The following CRB1 variants were observed in gnomAD, a reference collection of about 807,000 sequenced individuals.
CRB1 encodes the protein crumbs cell polarity complex component 1.
CRB1 carries 83 observed loss-of-function variants against 120.0 expected under a neutral mutation model. That is an observed-to-expected ratio of 0.69 (90% CI 0.58 to 0.83). CRB1 has a LOEUF of 0.83. CRB1 is among the 40% of genes least tolerant of loss of function. The pLI, the probability that CRB1 is intolerant of heterozygous loss-of-function variation, is 0.00. For missense variants in CRB1, 1,699 were observed against 1,687.6 expected (o/e 1.01, Z -0.12); for synonymous variants, 625 against 612.5 (o/e 1.02, Z -0.30).
the CRB1 span, among the ~76,000 whole-genome samples, chr1:197,203,650 AC>A: frequency 1.3e-5 from 2 of 152,198 alleles, no homozygotes; most frequent in African/African-American, 4.8e-5. Flanking sequence ...TAGAGGCCTT[AC>A]CTAGGAGAAA....
chr1:197,395,872 A>G (rs1662744758), intron 5 of CRB1, among the ~76,000 whole-genome samples: 1 of 152,158 alleles, frequency 6.6e-6, no homozygotes, highest in African/African-American at 2.4e-5. Context: ...CATCTACAAA[A>G]AAACCTAGAG....
intron 1 of CRB1, among the ~76,000 whole-genome samples, chr1:197,274,847 T>C (rs773970550): frequency 3.9e-5 from 6 of 152,016 alleles, no homozygotes; most frequent in Non-Finnish European, 8.8e-5. Flanking sequence ...AAGGACAACT[T>C]TGTTACTTTC....
At chr1:197,254,297 C>A in the CRB1 span, among the ~76,000 whole-genome samples, 1,077 of 152,056 alleles carry the variant, frequency 7.1e-3, 16 homozygotes, top group African/African-American at 0.022. Flanking sequence ...ATTCCTTGTC[C>A]TGAGTGATAC....
intron 1 of CRB1, among the ~76,000 whole-genome samples, chr1:197,316,942 C>T (rs1023241618): frequency 6.7e-6 from 1 of 150,178 alleles, no homozygotes; most frequent in Non-Finnish European, 1.5e-5. Flanking sequence ...ACCCAGAATG[C>T]CTAGTAATAA....
chr1:197,344,422 A>G lies in CRB1; in HGVS notation c.794A>G (p.Glu265Gly). Residue 265 changes from glutamate to glycine, a missense_variant, in exon 3 of 12, where the codon GAG becomes GGG. By Grantham distance (98) the Glu-to-Gly change is moderately conservative. Transcript: ENST00000367400. ...GATCACTGTGAACTCAACACTGATG[A>G]GTGTGCCAGTCAACCTTGTCTCCAT... ...LGDHCELNTD[E>G]CASQPCLHGG... is the part of the protein sequence containing the mutation. 1 of 1,614,016 alleles carries G rather than the reference A, an allele frequency of 6.2e-7. No individual in the cohort carries two copies. Among genetic ancestry groups the G allele is most frequent in the East Asian group, 2.2e-5 (1 of 44,856 alleles).
chr1:197,357,195 A>T (rs1328667235), intron 5 of CRB1, 182 bp downstream of exon 5: 1 of 690,290 alleles, frequency 1.4e-6, no homozygotes, highest in African/African-American at 1.8e-5. Context: ...TCCTCAAATC[A>T]CGAGAGAAAT....
intron 2 of CRB1, among the ~76,000 whole-genome samples, chr1:197,332,914 A>G (rs1267386072): frequency 6.6e-6 from 1 of 152,208 alleles, no homozygotes; most frequent in African/African-American, 2.4e-5. Context: ...GGTCTGTAGA[A>G]CCAAGGGAAA....
intron 11 of CRB1, among the ~76,000 whole-genome samples, chr1:197,453,206 C>G (rs1269076698): frequency 6.7e-6 from 1 of 149,160 alleles, no homozygotes; most frequent in Admixed American, 6.7e-5. Context: ...ATTATGAGTG[C>G]TAGGAGCTAG....
At position 197,435,342 on chromosome 1, in the gene CRB1, C is replaced by G. The variant is rs767827758; in HGVS notation, c.3479C>G (p.Ser1160Cys). ...HGGNCEDIYS[S>C]YHCSCPLGWS... is the part of the protein sequence containing the mutation. ...GGAAACTGTGAAGACATCTATAGCT[C>G]TTATCATTGCTCCTGTCCCTTGGGA... Residue 1160 changes from serine to cysteine, a missense_variant, in exon 9 of 12, where the codon TCT (serine) becomes TGT (cysteine). Transcript: ENST00000367400. The G allele has an allele frequency of 1.2e-6, 2 of 1,613,538 alleles. No homozygotes were observed. Among genetic ancestry groups the G allele is most frequent in the African/African-American group, 1.3e-5 (1 of 74,878 alleles).
At chr1:197,348,235 C>T (rs1223759631) in intron 4 of CRB1, among the ~76,000 whole-genome samples, 2 of 152,118 alleles carry the variant, frequency 1.3e-5, no homozygotes, top group African/African-American at 4.8e-5. Context: ...GGTGGTCCCT[C>T]AGGAAGTATT....
chr1:197,306,671 G>C (rs1248660078), intron 1 of CRB1, among the ~76,000 whole-genome samples: 1 of 152,148 alleles, frequency 6.6e-6, no homozygotes, highest in Non-Finnish European at 1.5e-5. Context: ...AAGGATCAAA[G>C]AAGAGAGAAA....
intron 1 of CRB1, among the ~76,000 whole-genome samples, chr1:197,311,657 C>T (rs1195158010): frequency 6.6e-6 from 1 of 150,654 alleles, no homozygotes; most frequent in African/African-American, 2.4e-5. Flanking sequence ...AAATGATTAC[C>T]ACAATCAAGT....
At chr1:197,319,836 G>A (rs750496891) in intron 1 of CRB1, among the ~76,000 whole-genome samples, 2 of 152,132 alleles carry the variant, frequency 1.3e-5, no homozygotes, top group Non-Finnish European at 1.5e-5. Context: ...CATGATGGGA[G>A]ATTTTTAGCC....
At chr1:197,461,922 C>T (rs1055004676) in intron 11 of CRB1, among the ~76,000 whole-genome samples, 1 of 152,116 alleles carries the variant, frequency 6.6e-6, no homozygotes, top group Non-Finnish European at 1.5e-5. Flanking sequence ...GAAAAGATGG[C>T]ATGTTGTTTG....
intron 4 of CRB1, among the ~76,000 whole-genome samples, chr1:197,354,335 A>G (rs1209528852): frequency 1.3e-5 from 2 of 152,214 alleles, no homozygotes; most frequent in African/African-American, 2.4e-5. Context: ...ACAGCCATGT[A>G]TAATTGTGTC....
chr1:197,463,771 A>T (rs1316935625), intron 11 of CRB1, among the ~76,000 whole-genome samples: 1 of 152,156 alleles, frequency 6.6e-6, no homozygotes, highest in Admixed American at 6.5e-5. Flanking sequence ...CTTTTTCCAT[A>T]TCCCTATGTT....
At chr1:197,475,517 A>G (rs903914225) in intron 11 of CRB1, among the ~76,000 whole-genome samples, 2 of 152,114 alleles carry the variant, frequency 1.3e-5, no homozygotes, top group Non-Finnish European at 2.9e-5. Flanking sequence ...TATCATGACT[A>G]ATAAGATAAA....
At chr1:197,289,898 C>A (rs369000921) in intron 1 of CRB1, among the ~76,000 whole-genome samples, 12 of 151,080 alleles carry the variant, frequency 7.9e-5, no homozygotes, top group East Asian at 5.8e-4. Flanking sequence ...AGTTATATAT[C>A]TTCTCTAAAG....
intron 1 of CRB1, among the ~76,000 whole-genome samples, chr1:197,296,246 C>T (rs1307656872): frequency 6.6e-6 from 1 of 152,020 alleles, no homozygotes; most frequent in Non-Finnish European, 1.5e-5. Flanking sequence ...AATTCTATCT[C>T]CACTACTTAC....
Sources: allele counts gnomAD v4.1 joint callset (sites outside exome capture counted in the v4.1 genomes callset), GRCh38; gene constraint gnomAD v4.1.1; transcripts MANE v1.5; gene names NCBI Gene and HGNC (gene_info 2026-07-23, HGNC 2026-07-21).